Variants in BLVRB observed in about 807,000 individuals in gnomAD.
BLVRB encodes the protein flavin reductase (NADPH).
A neutral mutation model predicts 21.1 loss-of-function variants in BLVRB; 25 were observed. The ratio of observed to expected loss-of-function variants is 1.19; its 90% CI spans 0.86 to 1.66. BLVRB has a LOEUF of 1.66. Ranked by LOEUF, BLVRB falls within the 40% of genes most tolerant of loss-of-function variation. The pLI is 0.00. For missense variants in BLVRB, 274 were observed against 282.7 expected, an observed-to-expected ratio of 0.97 and a Z score of 0.22; for synonymous variants, 128 against 122.2, an observed-to-expected ratio of 1.05 and a Z score of -0.31.
intron 3 of BLVRB, among the ~76,000 whole-genome samples, chr19:40,452,575 T>C (rs893799059): frequency 1.3e-5 from 2 of 151,166 alleles, no homozygotes; most frequent in African/African-American, 4.8e-5. Flanking sequence ...ATTTAAAAAA[T>C]TTTTTTAGGC....
At chr19:40,459,275 C>A in intron 1 of BLVRB, among the ~76,000 whole-genome samples, 1 of 117,644 alleles carries the variant, frequency 8.5e-6, no homozygotes, top group Non-Finnish European at 1.6e-5. Flanking sequence ...TTGCAGTGAG[C>A]AGAGATTGCA....
At chr19:40,460,564 A>C (rs966972827) in intron 1 of BLVRB, among the ~76,000 whole-genome samples, 11 of 151,278 alleles carry the variant, frequency 7.3e-5, no homozygotes, top group Non-Finnish European at 1.5e-4. Context: ...GTACCACTGC[A>C]CTCCAGCCTG....
chr19:40,462,246 C>G (rs1396054062), intron 1 of BLVRB, among the ~76,000 whole-genome samples: 1 of 151,618 alleles, frequency 6.6e-6, no homozygotes, highest in Non-Finnish European at 1.5e-5. Context: ...CATGGGGGAG[C>G]AGCAGGGGCT....
At chr19:40,452,479 T>C (rs1245991727) in intron 3 of BLVRB, among the ~76,000 whole-genome samples, 7 of 102,976 alleles carry the variant, frequency 6.8e-5, no homozygotes, top group African/African-American at 1.4e-4. Flanking sequence ...AACCCCACTA[T>C]TTTTTTTTTT....
chr19:40,454,588 C>CA (rs2079754480), intron 3 of BLVRB, among the ~76,000 whole-genome samples: 1 of 151,106 alleles, frequency 6.6e-6, no homozygotes, highest in Non-Finnish European at 1.5e-5. Flanking sequence ...CTCTGTCACC[C>CA]AGGCTGGAGT....
intron 3 of BLVRB, among the ~76,000 whole-genome samples, chr19:40,453,149 G>A (rs149836839): frequency 1.0e-3 from 154 of 152,286 alleles, no homozygotes; most frequent in African/African-American, 3.4e-3. Flanking sequence ...GGGCTTAAGC[G>A]ATCCTTCCAT....
chr19:40,449,747 C>T lies in BLVRB; in HGVS notation c.463+1617G>A, dbSNP rs972934644. On this transcript the variant is annotated intron_variant, in intron 4 of 4. Transcript: ENST00000263368. ...AAATATACATATGCATATATGTTTT[C>T]ACAATATATTCAGCAAAATCTAACT... Among the ~76,000 whole-genome samples, 11 of 152,236 alleles carry T rather than the reference C, an allele frequency of 7.2e-5. No homozygotes were observed. The East Asian group carries it at 1.5e-3, about 21-fold the overall frequency.
chr19:40,459,327 C>CAAAAAAAAAAAAAAAAAAAAAAA (rs751696189), intron 1 of BLVRB, among the ~76,000 whole-genome samples: 1 of 34,398 alleles, frequency 2.9e-5, no homozygotes, highest in Non-Finnish European at 5.3e-5. Context: ...GACTCTATCT[C>CAAAAAAAAAAAAAAAAAAAAAAA]AAAAAAAAAA....
intron 3 of BLVRB, 133 bp downstream of exon 3, chr19:40,458,022 G>C (rs2079769091): frequency 1.1e-6 from 1 of 890,972 alleles, no homozygotes; most frequent in Non-Finnish European, 1.8e-6. Flanking sequence ...ACCCAGTAAG[G>C]TTCAGGCACA....
chr19:40,465,594 C>G lies in BLVRB; in HGVS notation c.79+16G>C, dbSNP rs1171430983. 2.5e-6 allele frequency: 4 copies of G among 1,607,010 alleles called. No individual in the cohort carries two copies. The highest frequency in any genetic ancestry group is 3.4e-6 in the Non-Finnish European group (4 of 1,177,880). On this transcript the variant is annotated intron_variant, in intron 1 of 4. Coordinates refer to ENST00000263368, the MANE Select transcript of BLVRB (RefSeq NM_000713.3). ...CCGTCTGTCCCGTGACATGCCCCGC[C>G]CGCCCCGGCTCATGCCTGCTTGCAC...
chr19:40,458,525 C>T lies in BLVRB; in HGVS notation c.100G>A (p.Val34Met), dbSNP rs757366650. The T allele has an allele frequency of 1.1e-5, 17 of 1,609,998 alleles. No individual in the cohort carries two copies. The highest frequency in any genetic ancestry group is 1.4e-5 in the Non-Finnish European group (16 of 1,178,190). Reference protein sequence around the residue: ...VQAGYEVTVLVRDSSRLPSEG... With the variant: ...VQAGYEVTVLMRDSSRLPSEG... Reference sequence around the variant, plus strand: ...GATGGCAGCCTGGAGGAGTCCCGCACCAGCACTGTCACTTCGTAACCTGTG... The same window carrying T: ...GATGGCAGCCTGGAGGAGTCCCGCATCAGCACTGTCACTTCGTAACCTGTG... The change falls in exon 2 of 5, where the codon GTG (valine) becomes ATG (methionine). Residue 34 changes from valine (V) to methionine (M), a missense_variant. Physicochemically the swap from Val to Met is conservative, Grantham distance 21. Coordinates refer to ENST00000263368, the MANE Select transcript of BLVRB (RefSeq NM_000713.3).
intron 3 of BLVRB, among the ~76,000 whole-genome samples, chr19:40,457,327 A>C (rs2079766094): frequency 6.6e-6 from 1 of 152,090 alleles, no homozygotes; most frequent in African/African-American, 2.4e-5. Flanking sequence ...CTCTGCCTGG[A>C]GTGTAATTAC....
At chr19:40,459,453 A>G (rs1179157939) in intron 1 of BLVRB, among the ~76,000 whole-genome samples, 1 of 142,326 alleles carries the variant, frequency 7.0e-6, no homozygotes, top group Non-Finnish European at 1.5e-5. Context: ...ATTTATTATT[A>G]TTATTATTTT....
chr19:40,464,948 C>G (rs2079804137), intron 1 of BLVRB, among the ~76,000 whole-genome samples: 1 of 152,152 alleles, frequency 6.6e-6, no homozygotes, highest in South Asian at 2.1e-4. Context: ...TCTGCCCTCT[C>G]TCCTGGGGCA....
At chr19:40,463,758 C>A (rs1206282432) in intron 1 of BLVRB, among the ~76,000 whole-genome samples, 2 of 148,364 alleles carry the variant, frequency 1.3e-5, no homozygotes, top group Non-Finnish European at 3.0e-5. Context: ...GCACGTACCA[C>A]TGTGCCCAGC....
intron 1 of BLVRB, among the ~76,000 whole-genome samples, chr19:40,460,395 A>C (rs1243729357): frequency 6.7e-6 from 1 of 150,296 alleles, no homozygotes; most frequent in African/African-American, 2.4e-5. Flanking sequence ...TGGGAGGCCA[A>C]GACAGGAAGA....
intron 4 of BLVRB, among the ~76,000 whole-genome samples, chr19:40,449,775 A>G (rs1246580771): frequency 6.6e-6 from 1 of 152,208 alleles, no homozygotes; most frequent in Non-Finnish European, 1.5e-5. Flanking sequence ...ATCTAACTAT[A>G]TATTCATGGA....
At chr19:40,449,551 T>A (rs2079729818) in intron 4 of BLVRB, among the ~76,000 whole-genome samples, 2 of 151,986 alleles carry the variant, frequency 1.3e-5, no homozygotes, top group South Asian at 4.2e-4. Context: ...GGCCTGACAG[T>A]TGGGGAAATT....
intron 4 of BLVRB, among the ~76,000 whole-genome samples, chr19:40,450,699 C>T (rs1000258318): frequency 1.3e-5 from 2 of 150,244 alleles, no homozygotes; most frequent in Admixed American, 6.6e-5. Flanking sequence ...TGTGCCACGA[C>T]GCCCAGCTAA....
Sources: allele counts gnomAD v4.1 joint callset (sites outside exome capture counted in the v4.1 genomes callset), GRCh38; gene constraint gnomAD v4.1.1; transcripts MANE v1.5; gene names NCBI Gene and HGNC (gene_info 2026-07-23, HGNC 2026-07-21).